Variants in ABL1 observed in about 807,000 individuals in gnomAD.
ABL1 encodes ABL proto-oncogene 1, non-receptor tyrosine kinase.
Under a neutral mutation model 94.7 loss-of-function variants are expected in ABL1, and 11 were observed. The ratio of observed to expected loss-of-function variants is 0.12; its 90% CI spans 0.07 to 0.19. ABL1 has a LOEUF of 0.19. ABL1 is among the 10% of genes least tolerant of loss of function. The pLI, the probability that ABL1 is intolerant of heterozygous loss-of-function variation, is 1.00. For synonymous variants in ABL1, 656 were observed against 622.4 expected, an observed-to-expected ratio of 1.05 and a Z score of -0.80; for missense variants, 1,082 against 1,489.4, an observed-to-expected ratio of 0.73 and a Z score of 4.50.
Position 130,743,133 on chromosome 9 carries a change from C to T in ABL1, c.136+28678C>T, listed in dbSNP as rs143713819. ...TGTTGCCCAGGCTAGAGTGCAGTGG[C>T]GTGATATCGGCTCACTGCAACTTCC... On this transcript the variant is annotated intron_variant, in intron 1 of 10. Transcript: ENST00000372348. Among the ~76,000 whole-genome samples the T allele has an allele frequency of 2.5e-3, 382 of 152,226 alleles. 2 individuals carry two copies. The highest frequency in any genetic ancestry group is 6.7e-3 in the African/African-American group (278 of 41,546).
chr9:130,766,992 C>G (rs906694751), intron 1 of ABL1, among the ~76,000 whole-genome samples: 1 of 152,234 alleles, frequency 6.6e-6, no homozygotes, highest in Admixed American at 6.5e-5. Context: ...TCTCGAATTT[C>G]CCTCCTGTCA....
Position 130,844,340 on chromosome 9 carries a change from G to A in ABL1, c.79+8815G>A, listed in dbSNP as rs572838300. Among the ~76,000 whole-genome samples the A allele has an allele frequency of 5.3e-5, 8 of 152,300 alleles. 1 individual carries two copies. The East Asian group carries it at 1.4e-3, about 26-fold the overall frequency. ...AGATGCAGGGTGGGAACTGACAGAG[G>A]ATGACTTCCAGCCTCAGTCCTGATA... On this transcript the variant is annotated intron_variant, in intron 1 of 10. Coordinates refer to ENST00000318560, the MANE Select transcript of ABL1 (RefSeq NM_005157.6).
At chr9:130,725,030 C>T (rs80005896) in intron 1 of ABL1, 4,739 of 226,918 alleles carry the variant, frequency 0.021, 61 homozygotes, top group African/African-American at 0.032. Flanking sequence ...GCTTTTCAAA[C>T]GATAACGTTC....
intron 1 of ABL1, among the ~76,000 whole-genome samples, chr9:130,813,051 G>C (rs146378461): frequency 0.036 from 5,428 of 151,092 alleles, 307 homozygotes; most frequent in African/African-American, 0.12. Flanking sequence ...CCGTCTCTAC[G>C]AAAAATACCA....
At chr9:130,843,622 G>GGGTTAAA (rs1478681193) in intron 1 of ABL1, among the ~76,000 whole-genome samples, 1 of 152,084 alleles carries the variant, frequency 6.6e-6, no homozygotes, top group East Asian at 1.9e-4. Flanking sequence ...GTACCCAAAT[G>GGGTTAAA]GGTTAAAGGA....
Position 130,868,730 on chromosome 9 carries a change from G to A in ABL1, c.823-3399G>A, listed in dbSNP as rs139952580. ...GAGACACGGTTTCACCATGTGGCCAGGCTGGTCTCGAACTCCTGGCCTCAA... is the reference window on the plus strand; with the variant it reads ...GAGACACGGTTTCACCATGTGGCCAAGCTGGTCTCGAACTCCTGGCCTCAA... On this transcript the variant is annotated intron_variant, in intron 4 of 10. Coordinates refer to ENST00000318560, the MANE Select transcript of ABL1 (RefSeq NM_005157.6). Among the ~76,000 whole-genome samples the A allele has an allele frequency of 6.6e-5, 10 of 151,936 alleles. No homozygotes were observed. The East Asian group carries it at 1.9e-3, about 30-fold the overall frequency.
chr9:130,867,734 A>C (rs544047621), intron 4 of ABL1, among the ~76,000 whole-genome samples: 1 of 152,226 alleles, frequency 6.6e-6, no homozygotes, highest in South Asian at 2.1e-4. Flanking sequence ...TGGCCGCACA[A>C]GGAGGGCTCG....
chr9:130,875,154 T>G, intron 7 of ABL1, 102 bp downstream of exon 7: 1 of 1,327,256 alleles, frequency 7.5e-7, no homozygotes, highest in South Asian at 1.5e-5. Flanking sequence ...TTCTTTTTGT[T>G]TTTTTGAGAC....
chr9:130,744,792 G>C (rs1285950242), intron 1 of ABL1, among the ~76,000 whole-genome samples: 1 of 149,506 alleles, frequency 6.7e-6, no homozygotes. Context: ...AGGAGGCGGA[G>C]CTTGCAGTGA....
chr9:130,746,101 A>G (rs1401286890), intron 1 of ABL1, among the ~76,000 whole-genome samples: 19 of 152,188 alleles, frequency 1.2e-4, no homozygotes, highest in Admixed American at 1.2e-3. Flanking sequence ...TACTAACAGT[A>G]TGACCGCAGA....
chr9:130,869,651 A>T (rs1564317839), intron 4 of ABL1, among the ~76,000 whole-genome samples: 1 of 152,208 alleles, frequency 6.6e-6, no homozygotes, highest in Non-Finnish European at 1.5e-5. Flanking sequence ...CTTTCACTCA[A>T]AGTGTTTCCT....
In ABL1 at chr9:130,863,030, T is replaced by C; in HGVS notation, c.817T>C (p.Leu273=). 6.3e-7 allele frequency: 1 copy of C among 1,599,764 alleles called. No homozygotes were observed. The highest frequency in any genetic ancestry group is 1.3e-5 in the African/African-American group (1 of 74,836). The part of the protein sequence containing the change: ...KYSLTVAVKT[L]KEDTMEVEEF... ...CAGCCTGACGGTGGCCGTGAAGACC[T>C]TGAAGGTAGGCTGGGACTGCCGGGG... The change falls in exon 4 of 11, where the codon TTG becomes CTG. Residue 273 remains leucine (L), a synonymous_variant. Coordinates refer to ENST00000318560, the MANE Select transcript of ABL1 (RefSeq NM_005157.6). This position sits in a 1 kb window ranked among gnomAD's most constrained non-coding sequence, Gnocchi z 4.3.
Position 130,850,940 on chromosome 9 carries a change from T to G in ABL1, c.80-3124T>G, listed in dbSNP as rs532741288. Among the ~76,000 whole-genome samples the G allele has an allele frequency of 1.5e-3, 228 of 151,746 alleles. No individual in the cohort carries two copies. The Middle Eastern group carries it at 0.031, about 20-fold the overall frequency. On this transcript the variant is annotated intron_variant, in intron 1 of 10. Coordinates refer to ENST00000318560, the MANE Select transcript of ABL1 (RefSeq NM_005157.6). The stretch of plus-strand genomic sequence containing the variant: ...TGTTTGTTTGTTTGTTTGTTTGTTT[T>G]TTTGAGAGAGTCTCGCTCTGTCACC...
intron 1 of ABL1, among the ~76,000 whole-genome samples, chr9:130,783,803 G>C (rs1829789483): frequency 6.6e-6 from 1 of 152,074 alleles, no homozygotes; most frequent in Non-Finnish European, 1.5e-5. Flanking sequence ...TGACAGGCGG[G>C]CATCACCACG....
At chr9:130,825,571 A>G (rs1392739373) in intron 1 of ABL1, among the ~76,000 whole-genome samples, 1 of 152,218 alleles carries the variant, frequency 6.6e-6, no homozygotes, top group Non-Finnish European at 1.5e-5. Flanking sequence ...TTTTTGCAGC[A>G]TTGCTATTTT....
intron 1 of ABL1, among the ~76,000 whole-genome samples, chr9:130,779,690 A>G (rs1467816384): frequency 1.3e-5 from 2 of 152,192 alleles, no homozygotes; most frequent in Admixed American, 6.5e-5. Flanking sequence ...AAACGCACAC[A>G]CAGCAAACCT....
intron 1 of ABL1, among the ~76,000 whole-genome samples, chr9:130,804,509 G>A (rs1025917077): frequency 2.0e-5 from 3 of 152,172 alleles, no homozygotes; most frequent in Admixed American, 1.3e-4. Context: ...GCTTGAACCC[G>A]GGAGGTGGAG....
At chr9:130,742,706 C>G (rs938078739) in intron 1 of ABL1, among the ~76,000 whole-genome samples, 1 of 152,096 alleles carries the variant, frequency 6.6e-6, no homozygotes, top group Non-Finnish European at 1.5e-5. Context: ...GAGTAACAGT[C>G]TTCATTTTAA....
chr9:130,854,838 G>C lies in ABL1; in HGVS notation c.291G>C (p.Gly97=), dbSNP rs370897942. 7 of 1,614,066 alleles carry C rather than the reference G, an allele frequency of 4.3e-6. No homozygotes were observed. Among genetic ancestry groups the C allele is most frequent in the Non-Finnish European group, 5.9e-6 (7 of 1,180,054 alleles). Residue 97 remains glycine (G), a synonymous_variant, in exon 3 of 11, where the codon GGG becomes GGC. Coordinates refer to ENST00000318560, the MANE Select transcript of ABL1 (RefSeq NM_005157.6). ...GGGTCTTAGGCTATAATCACAATGG[G>C]GAATGGTGTGAAGCCCAAACCAAAA... The part of the protein sequence containing the change: ...KLRVLGYNHN[G]EWCEAQTKNG...
Sources: gnomAD v4.1 joint callset for allele counts (sites outside exome capture counted in the v4.1 genomes callset) on GRCh38, gnomAD v4.1.1 for gene constraint, Gnocchi (gnomAD v3.1) non-coding constraint, MANE v1.5 for transcripts, NCBI Gene and HGNC (gene_info 2026-07-23, HGNC 2026-07-21) for gene names.